LRIT3: variants seen among roughly 807,000 people sequenced by gnomAD.
LRIT3 encodes leucine rich repeat, Ig-like and transmembrane domains 3.
A neutral mutation model predicts 22.6 loss-of-function variants in LRIT3; 14 were observed. The observed-to-expected ratio is 0.62, with a 90% CI of 0.41 to 0.97. The LOEUF (loss-of-function observed/expected upper bound fraction) is 0.97. LRIT3 is among the 50% of genes least tolerant of loss of function. The pLI is 0.00. For synonymous variants in LRIT3, 306 were observed against 304.5 expected, an observed-to-expected ratio of 1.01 and a Z score of -0.05; for missense variants, 783 against 803.0, an observed-to-expected ratio of 0.98 and a Z score of 0.30.
Position 109,870,022 on chromosome 4 carries a change from A to C in LRIT3, c.1273A>C (p.Thr425Pro), listed in dbSNP as rs138218384. ...FSSSTVSSTT[T>P]LSTSISASTT... ...CTCCTCCACTGTTTCTTCAACCACA[A>C]CTCTGAGCACAAGCATCTCAGCAAG... Residue 425 changes from threonine to proline, a missense_variant, in exon 4 of 4, where the codon ACT becomes CCT. Thr to Pro is a conservative substitution (Grantham distance 38, BLOSUM62 -1). Around this residue, in one of 2 missense-constraint regions of LRIT3, gnomAD observed 756 missense variants for 753.8 expected, o/e 1.00. Transcript: ENST00000594814. The C allele has an allele frequency of 1.3e-4, 212 of 1,613,974 alleles. No homozygotes were observed. The African/African-American group carries it at 2.4e-3, about 19-fold the overall frequency.
intron 3 of LRIT3, 60 bp from the exon 4 acceptor site, chr4:109,869,585 G>T: frequency 6.8e-7 from 1 of 1,472,054 alleles, no homozygotes; most frequent in South Asian, 1.4e-5. Context: ...CTCCTCAGTT[G>T]GCATGGTGGC....
chr4:109,849,956 A>C (rs1173268523), intron 1 of LRIT3, among the ~76,000 whole-genome samples: 1 of 152,234 alleles, frequency 6.6e-6, no homozygotes, highest in Non-Finnish European at 1.5e-5. Flanking sequence ...TCTGGTATAA[A>C]GTAGTACTGA....
chr4:109,864,446 C>G (rs1034148867), intron 2 of LRIT3, among the ~76,000 whole-genome samples: 5 of 152,126 alleles, frequency 3.3e-5, no homozygotes, highest in African/African-American at 4.8e-5. Flanking sequence ...TTGTGAGAGG[C>G]AAGCCATATA....
At chr4:109,859,500 G>T (rs1734483733) in intron 2 of LRIT3, among the ~76,000 whole-genome samples, 2 of 152,284 alleles carry the variant, frequency 1.3e-5, no homozygotes, top group South Asian at 2.1e-4. Flanking sequence ...TGCAGCAAAA[G>T]CTGGTTACAA....
At chr4:109,868,550 TTAA>T (rs1162311578) in intron 3 of LRIT3, among the ~76,000 whole-genome samples, 1,140 of 73,154 alleles carry the variant, frequency 0.016, 17 homozygotes, top group African/African-American at 0.045. Flanking sequence ...TAAGACTGTC[TTAA>T]AAAAAAAAAA....
chr4:109,850,347 A>C (rs1419468983), intron 1 of LRIT3, among the ~76,000 whole-genome samples: 1 of 146,618 alleles, frequency 6.8e-6, no homozygotes, highest in East Asian at 2.0e-4. Flanking sequence ...CACATGGGAC[A>C]GTGTTGTCTT....
Position 109,870,391 on chromosome 4 carries a change from G to A in LRIT3, c.1642G>A (p.Gly548Arg), listed in dbSNP as rs111716342. The change falls in exon 4 of 4, where the codon GGG becomes AGG. Residue 548 changes from glycine (G) to arginine (R), a missense_variant. Coordinates refer to ENST00000594814, the MANE Select transcript of LRIT3 (RefSeq NM_198506.5). ...AACCATAGATGGCTTGGAACCCGGT[G>A]GGCAATACATGGCCTGTGTCTGTCC... is the stretch of plus-strand genomic sequence containing the variant. ...QVTIDGLEPG[G>R]QYMACVCPKG... 3 of 1,614,032 alleles carry A rather than the reference G, an allele frequency of 1.9e-6. No individual in the cohort carries two copies. The highest frequency in any genetic ancestry group is 2.2e-5 in the East Asian group (1 of 44,896).
chr4:109,863,262 G>A (rs1307775787), intron 2 of LRIT3, among the ~76,000 whole-genome samples: 1 of 152,166 alleles, frequency 6.6e-6, no homozygotes, highest in African/African-American at 2.4e-5. Flanking sequence ...CACTGTGGTG[G>A]GTGGTTAAAA....
intron 2 of LRIT3, among the ~76,000 whole-genome samples, chr4:109,854,206 T>G (rs1291155421): frequency 1.3e-5 from 2 of 152,246 alleles, no homozygotes; most frequent in Non-Finnish European, 2.9e-5. Flanking sequence ...ATATTGATTC[T>G]TCCTATCCAT....
chr4:109,864,204 T>C (rs994715427), intron 2 of LRIT3, among the ~76,000 whole-genome samples: 4 of 152,184 alleles, frequency 2.6e-5, no homozygotes, highest in Non-Finnish European at 4.4e-5. Context: ...TATCATTCTA[T>C]TTATGAATTC....
intron 1 of LRIT3, among the ~76,000 whole-genome samples, chr4:109,850,422 C>CCTTCCTTCTTTCTTTCTTTCTCT (rs66553123): frequency 1.8e-5 from 1 of 55,088 alleles, no homozygotes; most frequent in East Asian, 5.8e-4. Flanking sequence ...TTCCTTCCTT[C>CCTTCCTTCTTTCTTTCTTTCTCT]CTTTCTTTCT....
In LRIT3 at chr4:109,869,753, G is replaced by C; in HGVS notation, c.1004G>C (p.Gly335Ala). The change falls in exon 4 of 4, where the codon GGG becomes GCG. Residue 335 changes from glycine (G) to alanine (A), a missense_variant. Coordinates refer to ENST00000594814, the MANE Select transcript of LRIT3 (RefSeq NM_198506.5). The stretch of plus-strand genomic sequence containing the variant: ...AAATGTAAGGCCAAAAATCTGGCTG[G>C]GATGTCAGAAGCTGTGGTTACTGTG... ...DYKCKAKNLA[G>A]MSEAVVTVTV... is the part of the protein sequence containing the mutation. 1.2e-6 allele frequency: 2 copies of C among 1,613,694 alleles called. No individual in the cohort carries two copies. The highest frequency in any genetic ancestry group is 1.1e-5 in the South Asian group (1 of 91,030).
chr4:109,869,649 A>T lies in LRIT3; in HGVS notation c.900A>T (p.Ile300=). 1 of 1,536,260 alleles carries T rather than the reference A, an allele frequency of 6.5e-7. No individual in the cohort carries two copies. Among genetic ancestry groups the T allele is most frequent in the Non-Finnish European group, 8.7e-7 (1 of 1,144,228 alleles). ...TATACATTTGTTTTCTTCCAGTAAT[A>T]CAAGAATCTCCAGAGGAAGGAGTCA... ...SDSSPVNYTV[I]QESPEEGVRW... Residue 300 remains isoleucine, a synonymous_variant, in exon 4 of 4, where the codon ATA becomes ATT. Coordinates refer to ENST00000594814, the MANE Select transcript of LRIT3 (RefSeq NM_198506.5).
chr4:109,867,574 A>ATCC, intron 2 of LRIT3, 67 bp from the exon 3 acceptor site: 1 of 1,324,524 alleles, frequency 7.5e-7, no homozygotes. Context: ...CTACTTTCTC[A>ATCC]AGAGGCAGGA....
chr4:109,850,747 G>A (rs1734234414), intron 1 of LRIT3, among the ~76,000 whole-genome samples: 1 of 151,910 alleles, frequency 6.6e-6, no homozygotes, highest in Non-Finnish European at 1.5e-5. Flanking sequence ...AAAGTGCTGG[G>A]ATTACAGCCA....
intron 3 of LRIT3, among the ~76,000 whole-genome samples, chr4:109,868,699 A>G (rs1307066985): frequency 6.6e-6 from 1 of 152,154 alleles, no homozygotes; most frequent in Non-Finnish European, 1.5e-5. Flanking sequence ...GACTTTTCAG[A>G]TCCTAGTGTG....
intron 2 of LRIT3, among the ~76,000 whole-genome samples, chr4:109,853,779 G>A (rs1301697260): frequency 2.0e-5 from 3 of 152,120 alleles, no homozygotes; most frequent in Non-Finnish European, 2.9e-5. Flanking sequence ...TGTAAGGAAA[G>A]GGTGCAGTTT....
In LRIT3 at chr4:109,856,957, A is replaced by C. The variant is rs78411324; in HGVS notation, c.589+4981A>C. Among the ~76,000 whole-genome samples, 1,728 of 152,280 alleles carry C rather than the reference A, an allele frequency of 0.011. 81 individuals are homozygous for C. The East Asian group carries it at 0.12, about 11-fold the overall frequency. On this transcript the variant is annotated intron_variant, in intron 2 of 3. Transcript: ENST00000594814. ...AAAAATAAATCGTTTACTCCTTTTA[A>C]GAATTTTCTTTAGAATATTATTAAT...
intron 1 of LRIT3, among the ~76,000 whole-genome samples, chr4:109,850,200 T>C (rs1315977034): frequency 6.6e-6 from 1 of 152,176 alleles, no homozygotes; most frequent in African/African-American, 2.4e-5. Context: ...ATTTATAGTG[T>C]GCTATAATTT....
Sources: gnomAD v4.1 joint callset for allele counts (sites outside exome capture counted in the v4.1 genomes callset) on GRCh38, gnomAD v4.1.1 for gene constraint, gnomAD v4.1.1 regional missense constraint, MANE v1.5 for transcripts, NCBI Gene and HGNC (gene_info 2026-07-23, HGNC 2026-07-21) for gene names.